Variants in WDR49 observed in about 807,000 individuals in gnomAD.
WDR49 encodes WD repeat domain 49.
Under a neutral mutation model 119.5 loss-of-function variants are expected in WDR49, and 107 were observed. That is an observed-to-expected ratio of 0.90 (90% CI 0.77 to 1.05). The LOEUF (loss-of-function observed/expected upper bound fraction) is 1.05. Among genes scored for constraint, WDR49 ranks in the 50% least tolerant of loss-of-function variants. The pLI is 0.00. For missense variants in WDR49, 1,240 were observed against 1,220.5 expected, an observed-to-expected ratio of 1.02 and a Z score of -0.24; for synonymous variants, 425 against 418.8, an observed-to-expected ratio of 1.01 and a Z score of -0.18.
intron 10 of WDR49, among the ~76,000 whole-genome samples, chr3:167,549,993 C>T (rs143099290): frequency 0.01 from 1,535 of 152,244 alleles, 8 homozygotes; most frequent in Non-Finnish European, 0.016. Context: ...TGACAAAGAT[C>T]AGATGGTTGT....
At chr3:167,555,786 C>A (rs1310490219) in intron 9 of WDR49, among the ~76,000 whole-genome samples, 2 of 152,082 alleles carry the variant, frequency 1.3e-5, no homozygotes, top group Non-Finnish European at 2.9e-5. Flanking sequence ...TATATAAAGT[C>A]ACCCATCACT....
chr3:167,513,336 C>T (rs1171246204), intron 16 of WDR49, among the ~76,000 whole-genome samples: 2 of 152,056 alleles, frequency 1.3e-5, no homozygotes, highest in Non-Finnish European at 2.9e-5. Flanking sequence ...ATTTCCAATC[C>T]AGAATTCCAT....
intron 7 of WDR49, among the ~76,000 whole-genome samples, chr3:167,587,968 G>A (rs1258097896): frequency 6.6e-6 from 1 of 152,102 alleles, no homozygotes; most frequent in Non-Finnish European, 1.5e-5. Flanking sequence ...ATTATATTAT[G>A]TTAGATATTG....
chr3:167,532,372 A>G (rs1029322060), intron 12 of WDR49, among the ~76,000 whole-genome samples: 14 of 152,280 alleles, frequency 9.2e-5, no homozygotes, highest in Non-Finnish European at 1.2e-4. Context: ...TAAAATATTC[A>G]TGTGCTCTGC....
chr3:167,563,890 A>G (rs1014507840), intron 8 of WDR49, among the ~76,000 whole-genome samples: 2 of 152,224 alleles, frequency 1.3e-5, no homozygotes, highest in African/African-American at 2.4e-5. Flanking sequence ...CTGAGCAGCT[A>G]TTATATGTTA....
At chr3:167,613,909 C>T (rs923028356) in intron 5 of WDR49, among the ~76,000 whole-genome samples, 1 of 148,404 alleles carries the variant, frequency 6.7e-6, no homozygotes, top group African/African-American at 2.5e-5. Flanking sequence ...CATGCCACTG[C>T]AGCCTGGGTG....
intron 2 of WDR49, among the ~76,000 whole-genome samples, chr3:167,651,206 A>G (rs1349181629): frequency 6.6e-6 from 1 of 152,156 alleles, no homozygotes; most frequent in African/African-American, 2.4e-5. Context: ...AATATCTGAC[A>G]ACTCTTCAGC....
intron 3 of WDR49, 73 bp downstream of exon 3, chr3:167,626,779 G>A: frequency 8.7e-7 from 1 of 1,155,908 alleles, no homozygotes; most frequent in Non-Finnish European, 1.1e-6. Flanking sequence ...TTCTGTTACT[G>A]CTAGCCAGGA....
At chr3:167,535,564 T>A (rs1237632004) in intron 11 of WDR49, among the ~76,000 whole-genome samples, 2 of 152,078 alleles carry the variant, frequency 1.3e-5, no homozygotes, top group Admixed American at 1.3e-4. Context: ...TTCATTCCAG[T>A]CAGAATGGCT....
intron 18 of WDR49, among the ~76,000 whole-genome samples, chr3:167,479,941 G>C (rs992377103): frequency 6.6e-6 from 1 of 151,610 alleles, no homozygotes; most frequent in African/African-American, 2.4e-5. Context: ...ATAAAGCATG[G>C]AAAAAAAGGC....
intron 8 of WDR49, among the ~76,000 whole-genome samples, chr3:167,574,898 G>A (rs567947639): frequency 6.6e-5 from 10 of 152,206 alleles, no homozygotes; most frequent in South Asian, 4.1e-4. Flanking sequence ...ATGTTTTCCC[G>A]CAGATGGAAT....
upstream of WDR49, among the ~76,000 whole-genome samples, chr3:167,657,897 C>T (rs981476633): frequency 6.6e-6 from 1 of 152,314 alleles, no homozygotes; most frequent in Admixed American, 6.5e-5. Context: ...GTAAAGGAAC[C>T]TCCTCTCAAA....
At chr3:167,485,486 A>G (rs1320529799) in intron 18 of WDR49, among the ~76,000 whole-genome samples, 1 of 152,104 alleles carries the variant, frequency 6.6e-6, no homozygotes, top group Non-Finnish European at 1.5e-5. Flanking sequence ...ATTTAGGACA[A>G]AGCTGAAACC....
At chr3:167,610,082 G>A (rs752119960) in intron 5 of WDR49, among the ~76,000 whole-genome samples, 6 of 152,210 alleles carry the variant, frequency 3.9e-5, no homozygotes, top group Non-Finnish European at 8.8e-5. Context: ...AGACTTGCTG[G>A]CTTCAGGTGA....
chr3:167,579,957 A>C (rs2108287291), intron 7 of WDR49, among the ~76,000 whole-genome samples: 1 of 152,192 alleles, frequency 6.6e-6, no homozygotes, highest in East Asian at 1.9e-4. Flanking sequence ...ATTGACAATA[A>C]CTCCACAGTA....
intron 8 of WDR49, among the ~76,000 whole-genome samples, chr3:167,561,695 T>G (rs1483444921): frequency 6.6e-6 from 1 of 152,166 alleles, no homozygotes; most frequent in East Asian, 1.9e-4. Flanking sequence ...GTATTTATTA[T>G]GAGGTGTACC....
At chr3:167,637,168 T>C (rs190338519) in intron 2 of WDR49, among the ~76,000 whole-genome samples, 1 of 152,058 alleles carries the variant, frequency 6.6e-6, no homozygotes, top group East Asian at 1.9e-4. Context: ...TTGATTTTTG[T>C]ATAAGGTGAG....
intron 5 of WDR49, among the ~76,000 whole-genome samples, chr3:167,615,920 A>G (rs1716575031): frequency 6.6e-6 from 1 of 152,238 alleles, no homozygotes; most frequent in Non-Finnish European, 1.5e-5. Context: ...TACCATGTGC[A>G]GAAGGATACT....
rs977428406 is a variant in WDR49 at position 167,576,021 on chromosome 3, T to C, written c.1406A>G (p.Asn469Ser). The stretch of plus-strand genomic sequence containing the variant: ...CATTGCCAACAATGCTAGCTGGTTA[T>C]TAAACGAGATGAAAAGTCGTCCATG... ...EAHGRLFISFNNQLALLAMKS... is the reference protein window; with the variant it reads ...EAHGRLFISFSNQLALLAMKS... Residue 469 changes from asparagine (N) to serine (S), a missense_variant, in exon 8 of 19, where the codon AAT becomes AGT. Asn to Ser is a conservative substitution (Grantham distance 46, BLOSUM62 1). Transcript: ENST00000682715. The C allele has an allele frequency of 3.1e-6, 5 of 1,614,042 alleles. No homozygotes were observed. In the Admixed American group the frequency reaches 6.7e-5, roughly 22 times the overall value.
Sources: gnomAD v4.1 joint callset for allele counts (sites outside exome capture counted in the v4.1 genomes callset) on GRCh38, gnomAD v4.1.1 for gene constraint, MANE v1.5 for transcripts, NCBI Gene and HGNC (gene_info 2026-07-23, HGNC 2026-07-21) for gene names.